Variants in ST6GALNAC3 observed in about 807,000 individuals in gnomAD.
ST6GALNAC3 encodes ST6 N-acetylgalactosaminide alpha-2,6-sialyltransferase 3, also known as alpha-N-acetylgalactosaminide alpha-2,6-sialyltransferase 3.
Under a neutral mutation model 32.7 loss-of-function variants are expected in ST6GALNAC3, and 25 were observed. The observed-to-expected ratio is 0.76, with a 90% confidence interval of 0.56 to 1.07. The LOEUF (loss-of-function observed/expected upper bound fraction) is 1.07. ST6GALNAC3 is among the 50% of genes least tolerant of loss of function. The pLI is 0.00. For synonymous variants in ST6GALNAC3, 129 were observed against 133.1 expected, an observed-to-expected ratio of 0.97 and a Z score of 0.21; for missense variants, 355 against 382.4, an observed-to-expected ratio of 0.93 and a Z score of 0.60.
intron 1 of ST6GALNAC3, among the ~76,000 whole-genome samples, chr1:76,298,740 TA>T (rs1197380936): frequency 6.6e-6 from 1 of 152,102 alleles, no homozygotes; most frequent in Admixed American, 6.6e-5. Flanking sequence ...TCTTTCACAG[TA>T]ATTCAGTATA....
intron 1 of ST6GALNAC3, among the ~76,000 whole-genome samples, chr1:76,284,970 A>G (rs1659696373): frequency 1.3e-5 from 2 of 152,090 alleles, no homozygotes; most frequent in African/African-American, 4.8e-5. Flanking sequence ...ACGGAGATAG[A>G]TGGCCACACA....
At chr1:76,126,814 C>T (rs1649286663) in intron 1 of ST6GALNAC3, among the ~76,000 whole-genome samples, 1 of 152,156 alleles carries the variant, frequency 6.6e-6, no homozygotes, top group Non-Finnish European at 1.5e-5. Context: ...TCCCAGTGGG[C>T]TTTCAGGCAT....
intron 3 of ST6GALNAC3, among the ~76,000 whole-genome samples, chr1:76,541,213 T>C (rs1254746833): frequency 2.6e-5 from 4 of 152,188 alleles, no homozygotes; most frequent in African/African-American, 9.7e-5. Context: ...CTGTCTATTA[T>C]GTTAAAGGTT....
intron 3 of ST6GALNAC3, among the ~76,000 whole-genome samples, chr1:76,450,789 C>A (rs1287570595): frequency 6.6e-6 from 1 of 152,176 alleles, no homozygotes; most frequent in Non-Finnish European, 1.5e-5. Flanking sequence ...ATTATCCCAG[C>A]ACCATTTGTT....
intron 2 of ST6GALNAC3, among the ~76,000 whole-genome samples, chr1:76,332,493 A>G (rs933816686): frequency 6.6e-6 from 1 of 152,202 alleles, no homozygotes; most frequent in Admixed American, 6.5e-5. Context: ...TAAGTTGTCC[A>G]CTATAAGACA....
At chr1:76,395,761 G>T (rs936697836) in intron 2 of ST6GALNAC3, among the ~76,000 whole-genome samples, 1 of 152,150 alleles carries the variant, frequency 6.6e-6, no homozygotes, top group African/African-American at 2.4e-5. Context: ...ATATGTGGGT[G>T]CTAAAAAGTT....
intron 1 of ST6GALNAC3, among the ~76,000 whole-genome samples, chr1:76,223,280 GAAC>G: frequency 6.6e-6 from 1 of 152,134 alleles, no homozygotes; most frequent in South Asian, 2.1e-4. Flanking sequence ...CTAAGAAAGC[GAAC>G]TAATGAAGAA....
At chr1:76,217,689 C>A (rs1431913497) in intron 1 of ST6GALNAC3, among the ~76,000 whole-genome samples, 1 of 152,178 alleles carries the variant, frequency 6.6e-6, no homozygotes, top group African/African-American at 2.4e-5. Flanking sequence ...TCTCCTGAGT[C>A]CCCAAAGTCC....
At chr1:76,091,494 A>G (rs1647045352) in intron 1 of ST6GALNAC3, among the ~76,000 whole-genome samples, 1 of 152,200 alleles carries the variant, frequency 6.6e-6, no homozygotes, top group Non-Finnish European at 1.5e-5. Flanking sequence ...TTTTGCCCTC[A>G]AGGCAGCTAT....
intron 1 of ST6GALNAC3, among the ~76,000 whole-genome samples, chr1:76,171,778 G>A (rs1652516956): frequency 7.0e-6 from 1 of 143,202 alleles, no homozygotes; most frequent in African/African-American, 2.6e-5. Context: ...AACAAGCTCT[G>A]AAATTGAGGC....
intron 1 of ST6GALNAC3, among the ~76,000 whole-genome samples, chr1:76,131,218 C>A (rs903421183): frequency 6.6e-6 from 1 of 152,216 alleles, no homozygotes; most frequent in Non-Finnish European, 1.5e-5. Flanking sequence ...GTCCTTGAAT[C>A]TTATCTGGAT....
At chr1:76,364,171 G>A (rs1650183376) in intron 2 of ST6GALNAC3, among the ~76,000 whole-genome samples, 1 of 152,178 alleles carries the variant, frequency 6.6e-6, no homozygotes, top group African/African-American at 2.4e-5. Context: ...TGGTGAATAG[G>A]CAATGGAAGT....
chr1:76,163,423 G>A (rs187000478), intron 1 of ST6GALNAC3, among the ~76,000 whole-genome samples: 46 of 152,286 alleles, frequency 3.0e-4, no homozygotes, highest in Non-Finnish European at 5.4e-4. Context: ...AGTGTTGGGA[G>A]GGTGTACACT....
At chr1:76,441,134 A>G (rs1656568122) in intron 3 of ST6GALNAC3, among the ~76,000 whole-genome samples, 1 of 151,810 alleles carries the variant, frequency 6.6e-6, no homozygotes, top group South Asian at 2.1e-4. Flanking sequence ...TAGATGCTGA[A>G]CTTTAAGGAA....
chr1:76,354,656 G>A (rs909188029), intron 2 of ST6GALNAC3, among the ~76,000 whole-genome samples: 7 of 152,210 alleles, frequency 4.6e-5, no homozygotes, highest in Admixed American at 3.9e-4. Flanking sequence ...TTGGTGAAGT[G>A]TGTGCCTGTG....
intron 3 of ST6GALNAC3, among the ~76,000 whole-genome samples, chr1:76,453,449 G>C (rs1657548656): frequency 6.6e-6 from 1 of 152,034 alleles, no homozygotes; most frequent in Non-Finnish European, 1.5e-5. Context: ...CGCCTTTGCT[G>C]TATCCCAGAG....
intron 3 of ST6GALNAC3, among the ~76,000 whole-genome samples, chr1:76,543,260 T>G (rs1165635521): frequency 1.3e-5 from 2 of 152,154 alleles, no homozygotes; most frequent in Admixed American, 6.6e-5. Context: ...AACCACTCAC[T>G]CAGGGAAGGT....
chr1:76,401,451 A>G (rs981858007), intron 2 of ST6GALNAC3, among the ~76,000 whole-genome samples: 1 of 152,108 alleles, frequency 6.6e-6, no homozygotes, highest in Non-Finnish European at 1.5e-5. Context: ...AACATCGTAA[A>G]CATTGTTTTA....
In ST6GALNAC3 at chr1:76,277,925, A is replaced by G. The variant is rs538734386; in HGVS notation, c.19-35880A>G. 6.6e-5 allele frequency among the ~76,000 whole-genome samples: 10 copies of G among 152,224 alleles called. No homozygotes were observed. In the South Asian group the frequency reaches 1.0e-3, roughly 16 times the overall value. On this transcript the variant is annotated intron_variant, in intron 1 of 4. Transcript: ENST00000328299. ...TACAATGAGCTTTAAGTCTGGTTACACAAGTCTCCTCCCACATTCTCACGC... is the reference window on the plus strand; with the variant it reads ...TACAATGAGCTTTAAGTCTGGTTACGCAAGTCTCCTCCCACATTCTCACGC...
Sources: gnomAD v4.1 joint callset for allele counts (sites outside exome capture counted in the v4.1 genomes callset) on GRCh38, gnomAD v4.1.1 for gene constraint, MANE v1.5 for transcripts, NCBI Gene and HGNC (gene_info 2026-07-23, HGNC 2026-07-21) for gene names.